TNKS2: variants seen among roughly 807,000 people sequenced by gnomAD.
TNKS2 encodes the protein tankyrase 2.
Under a neutral mutation model 137.6 loss-of-function variants are expected in TNKS2, and 72 were observed. The observed-to-expected ratio is 0.52, with a 90% CI of 0.43 to 0.64. TNKS2 has a LOEUF of 0.64. TNKS2 is among the 30% of genes least tolerant of loss of function. The pLI is 0.00. For synonymous variants in TNKS2, 516 were observed against 512.1 expected (o/e 1.01, Z -0.10); for missense variants, 1,049 against 1,410.2 (o/e 0.74, Z 4.10).
intron 8 of TNKS2, among the ~76,000 whole-genome samples, 196 bp downstream of exon 8, chr10:91,827,399 A>G (rs559607373): frequency 6.6e-6 from 1 of 152,334 alleles, no homozygotes; most frequent in South Asian, 2.1e-4. Context: ...TGTTTGTATT[A>G]ATTTTTTCAA....
At chr10:91,829,568 G>C (rs1160775734) in intron 9 of TNKS2, among the ~76,000 whole-genome samples, 1 of 151,996 alleles carries the variant, frequency 6.6e-6, no homozygotes, top group African/African-American at 2.4e-5. Flanking sequence ...AGGTGGATGT[G>C]ATTTTTAAAA....
intron 2 of TNKS2, among the ~76,000 whole-genome samples, chr10:91,813,435 T>C (rs913180023): frequency 6.6e-6 from 1 of 152,152 alleles, no homozygotes; most frequent in Non-Finnish European, 1.5e-5. Flanking sequence ...TGCATTCTCT[T>C]GGGAGAGAAA....
chr10:91,856,283 C>T (rs375494819), intron 23 of TNKS2, among the ~76,000 whole-genome samples: 8 of 152,154 alleles, frequency 5.3e-5, no homozygotes, highest in African/African-American at 1.9e-4. Flanking sequence ...ATACTTGATG[C>T]ATAATGAATT....
At chr10:91,802,285 A>G (rs1484734748) in intron 1 of TNKS2, among the ~76,000 whole-genome samples, 1 of 152,230 alleles carries the variant, frequency 6.6e-6, no homozygotes, top group Non-Finnish European at 1.5e-5. Context: ...ACAAGCATAG[A>G]TACGAAAATT....
rs769988783 is a variant in TNKS2 at position 91,855,706 on chromosome 10, G to A, written c.2988+18G>A. On this transcript the variant is annotated intron_variant, in intron 23 of 26. Coordinates refer to ENST00000371627, the MANE Select transcript of TNKS2 (RefSeq NM_025235.4). The stretch of plus-strand genomic sequence containing the variant: ...TTCTCAAGGTAATAAATTAGTGAAA[G>A]TAAAGTTTTCTGAGACTGTCGTTTT... 166 of 1,590,790 alleles carry A rather than the reference G, an allele frequency of 1.0e-4. No homozygotes were observed. Among genetic ancestry groups the A allele is most frequent in the Non-Finnish European group, 1.4e-4 (162 of 1,163,100 alleles).
At chr10:91,850,195 C>T (rs943650452) in intron 20 of TNKS2, among the ~76,000 whole-genome samples, 9 of 144,410 alleles carry the variant, frequency 6.2e-5, no homozygotes, top group African/African-American at 1.5e-4. Context: ...GTGAAACCCC[C>T]GTCTCTACTA....
At chr10:91,808,184 CTAT>C (rs1844391395) in intron 1 of TNKS2, among the ~76,000 whole-genome samples, 1 of 151,460 alleles carries the variant, frequency 6.6e-6, no homozygotes, top group Non-Finnish European at 1.5e-5. Flanking sequence ...GCAGAAGGGA[CTAT>C]TTTAGATGGG....
rs1844043306 is a variant in TNKS2 at position 91,798,549 on chromosome 10, G to A, written c.-142G>A. 3.9e-6 allele frequency: 4 copies of A among 1,020,574 alleles called. No homozygotes were observed. Among genetic ancestry groups the A allele is most frequent in the Non-Finnish European group, 5.0e-6 (4 of 807,476 alleles). The allele number at this position is 1,020,574 out of a possible 1,614,324, so 63.2% of individuals were successfully genotyped here. On this transcript the variant is annotated 5_prime_UTR_variant, in exon 1 of 27. Coordinates refer to ENST00000371627, the MANE Select transcript of TNKS2 (RefSeq NM_025235.4). ...CGCGTGGGCGCGGCCATGGGACTGC[G>A]CCGGATCCGGTGACAGCAGGGAGCC...
At chr10:91,838,035 G>GAT (rs1726136681) in intron 13 of TNKS2, among the ~76,000 whole-genome samples, 2 of 77,916 alleles carry the variant, frequency 2.6e-5, no homozygotes, top group African/African-American at 1.1e-4. Flanking sequence ...GCAATTAGCT[G>GAT]ATTTTTTTTT....
intron 13 of TNKS2, 73 bp downstream of exon 13, chr10:91,837,071 C>G: frequency 2.8e-6 from 4 of 1,442,136 alleles, no homozygotes; most frequent in Middle Eastern, 3.9e-4. Flanking sequence ...TGTACTGTTA[C>G]AATGAAGAGC....
rs553188151 is a variant in TNKS2 at position 91,831,602 on chromosome 10, C to A, written c.1275+421C>A. ...CTGTAACTAAGCCAAAGGACTTGAACGGAAGGAAATATATTATTTAAATAA... is the reference window on the plus strand; with the variant it reads ...CTGTAACTAAGCCAAAGGACTTGAAAGGAAGGAAATATATTATTTAAATAA... On this transcript the variant is annotated intron_variant, in intron 11 of 26. Coordinates refer to ENST00000371627, the MANE Select transcript of TNKS2 (RefSeq NM_025235.4). 7.2e-5 allele frequency among the ~76,000 whole-genome samples: 11 copies of A among 152,160 alleles called. No individual in the cohort carries two copies. In the East Asian group the frequency reaches 1.9e-3, roughly 27 times the overall value.
Position 91,849,536 on chromosome 10 carries a change from C to T in TNKS2, c.2636C>T (p.Thr879Ile), listed in dbSNP as rs753982842. The T allele has an allele frequency of 2.5e-6, 4 of 1,611,714 alleles. No homozygotes were observed. In the Admixed American group the frequency reaches 6.7e-5, roughly 27 times the overall value. ...GTTCCAGGAGTAGATTTTAGCATAA[C>T]TCAATTCGTAAGGAATCTTGGACTT... ...KEVPGVDFSITQFVRNLGLEH... is the reference protein window; with the variant it reads ...KEVPGVDFSIIQFVRNLGLEH... The change falls in exon 20 of 27, where the codon ACT (threonine) becomes ATT (isoleucine). Residue 879 changes from threonine to isoleucine, a missense_variant. Thr to Ile is a moderately conservative substitution (Grantham distance 89, BLOSUM62 -1). Transcript: ENST00000371627.
intron 9 of TNKS2, among the ~76,000 whole-genome samples, chr10:91,830,268 A>G (rs573227928): frequency 2.6e-5 from 4 of 152,274 alleles, no homozygotes; most frequent in African/African-American, 9.6e-5. Context: ...CCCACGCTAG[A>G]GTGCAGTGGC....
chr10:91,861,084 A>G (rs1177838562), intron 25 of TNKS2, among the ~76,000 whole-genome samples: 1 of 152,208 alleles, frequency 6.6e-6, no homozygotes, highest in African/African-American at 2.4e-5. Context: ...GGCTAGTCAC[A>G]TGCCTGAGAG....
intron 9 of TNKS2, among the ~76,000 whole-genome samples, chr10:91,830,293 C>T (rs1367249239): frequency 1.3e-5 from 2 of 152,190 alleles, no homozygotes; most frequent in African/African-American, 4.8e-5. Flanking sequence ...TCTCAGCTCA[C>T]TGCAACCTCC....
chr10:91,851,139 C>T (rs3758501), intron 20 of TNKS2, 77 bp from the exon 21 acceptor site: 178,128 of 1,510,236 alleles, frequency 0.12, 13,926 homozygotes, highest in African/African-American at 0.36. Context: ...GTGAATCTTA[C>T]ATATTATGAA....
intron 20 of TNKS2, among the ~76,000 whole-genome samples, chr10:91,850,947 T>A (rs1490800266): frequency 6.6e-6 from 1 of 152,186 alleles, no homozygotes; most frequent in Non-Finnish European, 1.5e-5. Flanking sequence ...TGAAAGACAT[T>A]ATATAAATAG....
At chr10:91,804,920 C>A (rs570229935) in intron 1 of TNKS2, among the ~76,000 whole-genome samples, 1 of 152,154 alleles carries the variant, frequency 6.6e-6, no homozygotes, top group South Asian at 2.1e-4. Context: ...TGTACCACCA[C>A]GCCTGGCTAA....
chr10:91,809,219 G>A lies in TNKS2; in HGVS notation c.200-3764G>A, dbSNP rs74151738. On this transcript the variant is annotated intron_variant, in intron 1 of 26. Transcript: ENST00000371627. Reference sequence around the variant, plus strand: ...TGCATGTATATAAAATAACTTCAACGTATGTGAAAAAAAGTGGTAACCAGA... The same window carrying A: ...TGCATGTATATAAAATAACTTCAACATATGTGAAAAAAAGTGGTAACCAGA... 3.6e-3 allele frequency among the ~76,000 whole-genome samples: 548 copies of A among 152,174 alleles called. 4 individuals carry two copies. The highest frequency in any genetic ancestry group is 0.012 in the African/African-American group (504 of 41,504).
Sources: allele counts gnomAD v4.1 joint callset (sites outside exome capture counted in the v4.1 genomes callset), GRCh38; gene constraint gnomAD v4.1.1; transcripts MANE v1.5; gene names NCBI Gene and HGNC (gene_info 2026-07-23, HGNC 2026-07-21).